Variants in ROBO2 observed in about 807,000 individuals in gnomAD.
ROBO2 encodes the protein roundabout homolog 2.
ROBO2 carries 53 observed loss-of-function variants against 160.8 expected under a neutral mutation model. The ratio of observed to expected loss-of-function variants is 0.33; its 90% confidence interval spans 0.26 to 0.41. The LOEUF (loss-of-function observed/expected upper bound fraction) is 0.41, where lower values mean the gene tolerates loss of function less well. Among genes scored for constraint, ROBO2 ranks in the 10% least tolerant of loss-of-function variants. The pLI, the probability that ROBO2 is intolerant of heterozygous loss-of-function variation, is 1.00. For missense variants in ROBO2, 1,577 were observed against 1,722.4 expected (o/e 0.92, Z 1.49); for synonymous variants, 664 against 611.7 (o/e 1.09, Z -1.26).
chr3:75,915,952 G>T (rs1239332859), intron 1 of ROBO2, among the ~76,000 whole-genome samples: 1 of 152,042 alleles, frequency 6.6e-6, no homozygotes, highest in Non-Finnish European at 1.5e-5. Flanking sequence ...ATTTGGATAG[G>T]TAACACTTAT....
At chr3:77,330,643 T>G (rs1019725582) in intron 2 of ROBO2, among the ~76,000 whole-genome samples, 20 of 152,206 alleles carry the variant, frequency 1.3e-4, no homozygotes, top group African/African-American at 4.8e-4. Flanking sequence ...ACTTTTGTGA[T>G]GCGTCTTTAA....
chr3:77,209,291 T>C (rs12634993), intron 2 of ROBO2, among the ~76,000 whole-genome samples: 23,121 of 152,146 alleles, frequency 0.15, 1,969 homozygotes, highest in Middle Eastern at 0.21. Flanking sequence ...TCAAAAAACA[T>C]CTCTGTTGCT....
At chr3:76,935,676 G>T (rs116269793) in intron 2 of ROBO2, among the ~76,000 whole-genome samples, 4,475 of 152,212 alleles carry the variant, frequency 0.029, 219 homozygotes, top group African/African-American at 0.1. Context: ...ACCACTTTCA[G>T]ATTCACAGAT....
chr3:76,131,732 AAC>A (rs578070035), intron 2 of ROBO2, among the ~76,000 whole-genome samples: 131 of 152,274 alleles, frequency 8.6e-4, no homozygotes, highest in African/African-American at 3.1e-3. Context: ...TTGATTTTAT[AAC>A]AGTTTTGATA....
chr3:76,572,553 G>C (rs938374797), intron 2 of ROBO2, among the ~76,000 whole-genome samples: 7 of 152,132 alleles, frequency 4.6e-5, no homozygotes. Flanking sequence ...TGCATAAACA[G>C]ATTAATCTGA....
intron 2 of ROBO2, among the ~76,000 whole-genome samples, chr3:76,943,089 G>A (rs896222033): frequency 1.1e-4 from 16 of 152,114 alleles, no homozygotes; most frequent in African/African-American, 3.9e-4. Context: ...AGCTAAGTAT[G>A]GAGAGGTAGG....
intron 2 of ROBO2, among the ~76,000 whole-genome samples, chr3:76,211,395 C>T (rs1452325493): frequency 6.6e-6 from 1 of 152,008 alleles, no homozygotes; most frequent in African/African-American, 2.4e-5. Context: ...AAAAGAATGT[C>T]AGATAATAGA....
chr3:77,625,588 A>T (rs2094999034), intron 23 of ROBO2, among the ~76,000 whole-genome samples: 1 of 151,990 alleles, frequency 6.6e-6, no homozygotes, highest in African/African-American at 2.4e-5. Context: ...ATGTTGACCA[A>T]GAGGGTCTTG....
At chr3:76,756,274 A>T (rs189370628) in intron 2 of ROBO2, among the ~76,000 whole-genome samples, 2 of 152,078 alleles carry the variant, frequency 1.3e-5, no homozygotes, top group East Asian at 3.9e-4. Flanking sequence ...ATGGAAAAAT[A>T]GTTATAAAAT....
At chr3:76,171,690 CCT>C (rs2073046654) in intron 2 of ROBO2, among the ~76,000 whole-genome samples, 1 of 151,334 alleles carries the variant, frequency 6.6e-6, no homozygotes, top group Admixed American at 6.7e-5. Flanking sequence ...AAGAAAAATC[CCT>C]TTTTTTTTAG....
chr3:76,502,601 C>T (rs2080522778), intron 2 of ROBO2, among the ~76,000 whole-genome samples: 2 of 152,050 alleles, frequency 1.3e-5, no homozygotes, highest in South Asian at 4.1e-4. Context: ...TTTGTGGATA[C>T]ATAGCAAGTG....
At chr3:76,372,416 A>G (rs1030193653) in intron 2 of ROBO2, among the ~76,000 whole-genome samples, 6 of 151,922 alleles carry the variant, frequency 3.9e-5, no homozygotes, top group African/African-American at 1.2e-4. Flanking sequence ...TCTATAAACA[A>G]TGTTCAACCT....
At chr3:76,936,162 G>T in intron 2 of ROBO2, among the ~76,000 whole-genome samples, 1 of 151,682 alleles carries the variant, frequency 6.6e-6, no homozygotes, top group Non-Finnish European at 1.5e-5. Context: ...GAAAAAAGTA[G>T]AAGCTATAGA....
chr3:76,408,725 A>T (rs1351505119), intron 2 of ROBO2, among the ~76,000 whole-genome samples: 1 of 152,134 alleles, frequency 6.6e-6, no homozygotes, highest in Non-Finnish European at 1.5e-5. Flanking sequence ...ATTCAGGGAA[A>T]ATAAAAGATA....
intron 2 of ROBO2, among the ~76,000 whole-genome samples, chr3:76,090,645 T>C (rs142319888): frequency 9.2e-5 from 14 of 152,268 alleles, no homozygotes; most frequent in African/African-American, 3.4e-4. Context: ...CAATTTAATA[T>C]TGAAGAAGAA....
At chr3:76,672,312 A>G (rs1368970025) in intron 2 of ROBO2, among the ~76,000 whole-genome samples, 2 of 152,140 alleles carry the variant, frequency 1.3e-5, no homozygotes, top group East Asian at 1.9e-4. Flanking sequence ...TAAAACTTCT[A>G]CTTATGAACT....
chr3:76,716,902 A>G (rs568620023), intron 2 of ROBO2, among the ~76,000 whole-genome samples: 7 of 152,192 alleles, frequency 4.6e-5, no homozygotes, highest in African/African-American at 1.7e-4. Context: ...AGTCATGTCT[A>G]CTCTCATGAA....
intron 2 of ROBO2, among the ~76,000 whole-genome samples, chr3:77,437,224 T>C (rs12638123): frequency 0.28 from 42,523 of 151,814 alleles, 6,665 homozygotes; most frequent in Non-Finnish European, 0.35. Context: ...TGAAAATTCT[T>C]TGAATATTTG....
intron 2 of ROBO2, among the ~76,000 whole-genome samples, chr3:76,272,905 A>G (rs1277827317): frequency 4.2e-5 from 2 of 47,426 alleles, no homozygotes; most frequent in Non-Finnish European, 8.9e-5. Flanking sequence ...TATAATATAT[A>G]TTTATATATA....
Sources: gnomAD v4.1 joint callset for allele counts (sites outside exome capture counted in the v4.1 genomes callset) on GRCh38, gnomAD v4.1.1 for gene constraint, MANE v1.5 for transcripts, NCBI Gene and HGNC (gene_info 2026-07-23, HGNC 2026-07-21) for gene names.